The following DLC1 variants were observed in gnomAD, a reference collection of about 807,000 sequenced individuals.
DLC1 encodes the protein rho GTPase-activating protein 7.
Under a neutral mutation model 140.3 loss-of-function variants are expected in DLC1, and 54 were observed. That is an observed-to-expected ratio of 0.38 (90% confidence interval 0.31 to 0.48). DLC1 has a LOEUF of 0.48. Ranked by LOEUF, DLC1 falls within the 20% of genes least tolerant of loss-of-function variation. The pLI, the probability that DLC1 is intolerant of heterozygous loss-of-function variation, is 0.96. For missense variants in DLC1, 2,536 were observed against 1,907.0 expected (o/e 1.33, Z -6.14); for synonymous variants, 986 against 728.1 (o/e 1.35, Z -5.70).
rs1007058869 is a variant in DLC1 at position 13,083,663 on chromosome 8, C to G, written c.*2148G>C. On this transcript the variant is annotated 3_prime_UTR_variant, in exon 18 of 18. Transcript: ENST00000276297. ...GCATCTTTCTGCTGTTGCACGTTGTCGTCATCCTCTCAGCGTCGTTTCCTA... is the reference window on the plus strand; with the variant it reads ...GCATCTTTCTGCTGTTGCACGTTGTGGTCATCCTCTCAGCGTCGTTTCCTA... 6.6e-6 allele frequency: 1 copy of G among 152,632 alleles called. No homozygotes were observed. 9.5% of individuals were successfully genotyped at this position (152,632 alleles called of 1,614,324 possible). A position where few individuals can be genotyped will look rare whatever the true frequency, so the allele number is the denominator to read the frequency against.
chr8:13,317,609 G>A (rs749140224), intron 4 of DLC1, among the ~76,000 whole-genome samples: 33 of 152,086 alleles, frequency 2.2e-4, no homozygotes, highest in Non-Finnish European at 3.5e-4. Flanking sequence ...CATAAAGATC[G>A]CATCTGTATT....
At chr8:13,436,138 C>G (rs975964912) in intron 2 of DLC1, among the ~76,000 whole-genome samples, 1 of 152,218 alleles carries the variant, frequency 6.6e-6, no homozygotes, top group Non-Finnish European at 1.5e-5. Context: ...GTGTGAGTCC[C>G]TTACTGGGAC....
chr8:13,601,285 C>T (rs17227506), intron 1 of DLC1, among the ~76,000 whole-genome samples: 53,981 of 151,566 alleles, frequency 0.36, 10,601 homozygotes, highest in South Asian at 0.53. Flanking sequence ...CTCTTGAGCT[C>T]AAATTCCAGT....
chr8:13,513,142 T>C (rs1802452628), intron 1 of DLC1, among the ~76,000 whole-genome samples: 1 of 152,108 alleles, frequency 6.6e-6, no homozygotes, highest in African/African-American at 2.4e-5. Flanking sequence ...TCCTCTCTTC[T>C]ATTAGCTAGA....
At chr8:13,309,830 A>T (rs1239659678) in intron 4 of DLC1, among the ~76,000 whole-genome samples, 1 of 152,164 alleles carries the variant, frequency 6.6e-6, no homozygotes, top group Non-Finnish European at 1.5e-5. Flanking sequence ...ACAATTGACA[A>T]TCTGAATGTC....
chr8:13,537,371 C>G (rs190331756), intron 1 of DLC1, among the ~76,000 whole-genome samples: 2 of 152,186 alleles, frequency 1.3e-5, no homozygotes, highest in African/African-American at 4.8e-5. Flanking sequence ...GCGTATGACT[C>G]TCACTGAGTG....
intron 5 of DLC1, among the ~76,000 whole-genome samples, chr8:13,121,236 G>C (rs1483378769): frequency 6.6e-6 from 1 of 152,202 alleles, no homozygotes. Flanking sequence ...AACCGTGTCA[G>C]CTGTGTGCAG....
intron 17 of DLC1, 33 bp from the exon 18 acceptor site, chr8:13,085,964 T>A (rs1489545403): frequency 6.2e-7 from 1 of 1,607,506 alleles, no homozygotes; most frequent in Non-Finnish European, 8.5e-7. Flanking sequence ...GCTGATGAAT[T>A]ATTTAAGTTA....
At chr8:13,412,969 G>A (rs1309437345) in intron 2 of DLC1, among the ~76,000 whole-genome samples, 2 of 150,828 alleles carry the variant, frequency 1.3e-5, no homozygotes, top group East Asian at 3.9e-4. Context: ...GGTTTGAATG[G>A]ATGCACCCAT....
At chr8:13,384,012 A>C (rs1836394138) in intron 4 of DLC1, among the ~76,000 whole-genome samples, 1 of 152,230 alleles carries the variant, frequency 6.6e-6, no homozygotes, top group Non-Finnish European at 1.5e-5. Context: ...AGTACTAATC[A>C]TCAATTATGT....
chr8:13,588,497 A>G (rs536008847), intron 1 of DLC1, among the ~76,000 whole-genome samples: 220 of 152,262 alleles, frequency 1.4e-3, no homozygotes, highest in Non-Finnish European at 2.3e-3. Context: ...CTCATCCAAC[A>G]CTGAATATAA....
At chr8:13,264,918 T>C (rs181533541) in intron 5 of DLC1, among the ~76,000 whole-genome samples, 1 of 152,312 alleles carries the variant, frequency 6.6e-6, no homozygotes, top group African/African-American at 2.4e-5. Flanking sequence ...CATGGCCCAT[T>C]AACTACAGCA....
intron 1 of DLC1, among the ~76,000 whole-genome samples, chr8:13,511,219 A>G (rs1165281195): frequency 1.3e-5 from 2 of 152,184 alleles, no homozygotes; most frequent in African/African-American, 4.8e-5. Flanking sequence ...TGTTATTTCA[A>G]GCTAATACAG....
chr8:13,306,056 G>T (rs1301604986), intron 4 of DLC1, among the ~76,000 whole-genome samples: 2 of 151,890 alleles, frequency 1.3e-5, no homozygotes, highest in Non-Finnish European at 2.9e-5. Context: ...TTTATTAATC[G>T]CATCTAGATA....
chr8:13,592,012 A>T (rs1805531134), intron 1 of DLC1, among the ~76,000 whole-genome samples: 1 of 152,034 alleles, frequency 6.6e-6, no homozygotes, highest in Admixed American at 6.6e-5. Context: ...TCAGATATGG[A>T]TTCACTGACA....
intron 1 of DLC1, among the ~76,000 whole-genome samples, chr8:13,504,683 A>C (rs1181176541): frequency 6.6e-6 from 1 of 152,190 alleles, no homozygotes; most frequent in Non-Finnish European, 1.5e-5. Flanking sequence ...GATTTGTCAA[A>C]AGTAACAGTG....
rs191653546 is a variant in DLC1 at position 13,090,259 on chromosome 8, T to C, written c.4067A>G (p.Tyr1356Cys). 1.2e-5 allele frequency: 20 copies of C among 1,614,016 alleles called. 1 individual carries two copies. The highest frequency in any genetic ancestry group is 3.3e-4 in the Middle Eastern group (2 of 6,058). ...AACAGGGTGAAGCCTTACCTTCTTA[T>C]AGGACAGCTCAGCCTGCTCCGAAGT... Reference protein sequence around the residue: ...YSTSEQAELSYKKVSEGPPLR... With the variant: ...YSTSEQAELSCKKVSEGPPLR... Residue 1356 changes from tyrosine (Y) to cysteine (C), a missense_variant, in exon 15 of 18, where the codon TAT (tyrosine) becomes TGT (cysteine). Coordinates refer to ENST00000276297, the MANE Select transcript of DLC1 (RefSeq NM_182643.3).
Position 13,094,613 on chromosome 8 carries a change from C to T in DLC1, c.3526+146G>A, listed in dbSNP as rs187956775. The T allele has an allele frequency of 2.8e-4, 267 of 945,738 alleles. 2 individuals carry two copies. The highest frequency in any genetic ancestry group is 8.6e-4 in the Admixed American group (35 of 40,566). 58.6% of individuals were successfully genotyped at this position (945,738 alleles called of 1,614,324 possible). On this transcript the variant is annotated intron_variant, in intron 12 of 17. Transcript: ENST00000276297. ...CCTGGGAGGCAGAGGTTGCAGTGAG[C>T]CGAGGTCACGCCACTGCACTCCAGC...
At position 13,216,819 on chromosome 8, in the gene DLC1, A is replaced by G. The variant is rs147105159; in HGVS notation, c.1348+88450T>C. ...GTACCCCCAGCTGTGATAATCAAAA[A>G]TATCTCTAGACATTGCCAAATGTTC... On this transcript the variant is annotated intron_variant, in intron 5 of 17. Transcript: ENST00000276297. Among the ~76,000 whole-genome samples, 579 of 152,228 alleles carry G rather than the reference A, an allele frequency of 3.8e-3. 5 individuals are homozygous for G. Among genetic ancestry groups the G allele is most frequent in the Non-Finnish European group, 5.6e-3 (381 of 68,012 alleles).
Sources: gnomAD v4.1 joint callset for allele counts (sites outside exome capture counted in the v4.1 genomes callset) on GRCh38, gnomAD v4.1.1 for gene constraint, MANE v1.5 for transcripts, NCBI Gene and HGNC (gene_info 2026-07-23, HGNC 2026-07-21) for gene names.